The following GRM8 variants were observed in gnomAD, a reference collection of about 807,000 sequenced individuals.
GRM8 encodes glutamate metabotropic receptor 8.
In GRM8, 47 loss-of-function variants were observed where a neutral mutation model predicts 87.2. That is an observed-to-expected ratio of 0.54 (90% CI 0.43 to 0.69). GRM8 has a LOEUF of 0.69. GRM8 is among the 30% of genes least tolerant of loss of function. GRM8 has a pLI of 0.00. For synonymous variants in GRM8, 396 were observed against 404.5 expected, an observed-to-expected ratio of 0.98 and a Z score of 0.25; for missense variants, 1,019 against 1,139.2, an observed-to-expected ratio of 0.89 and a Z score of 1.52.
chr7:127,005,532 A>G (rs886330213), intron 3 of GRM8, among the ~76,000 whole-genome samples: 1 of 151,846 alleles, frequency 6.6e-6, no homozygotes, highest in Non-Finnish European at 1.5e-5. Context: ...AACCAGACAT[A>G]GTCTCCACAA....
intron 2 of GRM8, among the ~76,000 whole-genome samples, chr7:127,238,227 C>A (rs974112230): frequency 6.6e-6 from 1 of 151,942 alleles, no homozygotes; most frequent in South Asian, 2.1e-4. Context: ...TTATCTAAAG[C>A]CATTAGCATG....
At chr7:127,130,171 A>T (rs903146971) in intron 2 of GRM8, among the ~76,000 whole-genome samples, 2 of 152,206 alleles carry the variant, frequency 1.3e-5, no homozygotes, top group Non-Finnish European at 2.9e-5. Flanking sequence ...AGCCATGTGG[A>T]ACTGTGAGTC....
intron 2 of GRM8, among the ~76,000 whole-genome samples, chr7:127,177,081 C>G (rs1367835044): frequency 6.6e-6 from 1 of 152,118 alleles, no homozygotes; most frequent in East Asian, 1.9e-4. Flanking sequence ...TCTTTCGCAG[C>G]TGGGAGGTGG....
At chr7:126,801,526 A>T (rs1822686506) in intron 6 of GRM8, among the ~76,000 whole-genome samples, 1 of 120,816 alleles carries the variant, frequency 8.3e-6, no homozygotes. Flanking sequence ...TTATGTTTGC[A>T]GAGGGCACCA....
intron 8 of GRM8, among the ~76,000 whole-genome samples, chr7:126,587,142 A>C (rs1796219418): frequency 6.6e-6 from 1 of 152,218 alleles, no homozygotes; most frequent in African/African-American, 2.4e-5. Context: ...ATCTCACACC[A>C]GTTAGAAAGG....
intron 8 of GRM8, among the ~76,000 whole-genome samples, chr7:126,589,984 A>G (rs1325776623): frequency 6.6e-6 from 1 of 152,096 alleles, no homozygotes. Context: ...AGCACCCTCA[A>G]AATATCACAC....
chr7:126,753,838 T>C (rs1190966674), intron 7 of GRM8, among the ~76,000 whole-genome samples: 1 of 151,872 alleles, frequency 6.6e-6, no homozygotes, highest in African/African-American at 2.4e-5. Flanking sequence ...TATAGTGTAT[T>C]TTATTCTACC....
chr7:126,705,024 G>A (rs752473119), intron 7 of GRM8, among the ~76,000 whole-genome samples: 1 of 152,060 alleles, frequency 6.6e-6, no homozygotes, highest in African/African-American at 2.4e-5. Context: ...AGCTTGAGGG[G>A]CATCACGGAA....
chr7:126,818,927 G>A (rs1794029627), intron 6 of GRM8, among the ~76,000 whole-genome samples: 1 of 151,992 alleles, frequency 6.6e-6, no homozygotes, highest in Non-Finnish European at 1.5e-5. Context: ...AATCAATTAG[G>A]GATTCCTTCC....
At chr7:126,793,228 AAATT>A (rs1328157009) in intron 6 of GRM8, among the ~76,000 whole-genome samples, 4 of 152,182 alleles carry the variant, frequency 2.6e-5, no homozygotes, top group African/African-American at 4.8e-5. Flanking sequence ...TACTTTAAAA[AAATT>A]AAGTAATCAT....
intron 8 of GRM8, among the ~76,000 whole-genome samples, chr7:126,580,104 T>G (rs1795472596): frequency 6.6e-6 from 1 of 152,154 alleles, no homozygotes; most frequent in Admixed American, 6.6e-5. Flanking sequence ...CAAAGAGCAC[T>G]GTTAAATGAT....
chr7:126,881,676 A>G (rs1800037525), intron 6 of GRM8, among the ~76,000 whole-genome samples: 1 of 152,192 alleles, frequency 6.6e-6, no homozygotes, highest in Non-Finnish European at 1.5e-5. Context: ...CATTTGGAGT[A>G]AGAGAACAGC....
intron 9 of GRM8, among the ~76,000 whole-genome samples, chr7:126,491,433 A>G (rs536191969): frequency 2.5e-4 from 38 of 152,234 alleles, no homozygotes; most frequent in African/African-American, 8.7e-4. Context: ...TTACATTTTC[A>G]TAAAAACTTT....
At chr7:127,051,739 CAAAAAAAAAA>C (rs59713382) in intron 3 of GRM8, among the ~76,000 whole-genome samples, 2 of 58,464 alleles carry the variant, frequency 3.4e-5, no homozygotes, top group Admixed American at 2.3e-4. Flanking sequence ...TAATGTTGAG[CAAAAAAAAAA>C]AAAAAAAAAA....
chr7:126,746,729 T>C (rs903904822), intron 7 of GRM8, among the ~76,000 whole-genome samples: 1 of 151,638 alleles, frequency 6.6e-6, no homozygotes, highest in African/African-American at 2.4e-5. Flanking sequence ...CACTACCAAA[T>C]TTAAATTATT....
chr7:127,240,079 T>C (rs1337570714), intron 2 of GRM8, among the ~76,000 whole-genome samples: 1 of 152,090 alleles, frequency 6.6e-6, no homozygotes, highest in Non-Finnish European at 1.5e-5. Flanking sequence ...CTTTCATGTG[T>C]TGGTGGGTGT....
intron 6 of GRM8, among the ~76,000 whole-genome samples, chr7:126,806,834 C>T (rs945658551): frequency 6.6e-6 from 1 of 152,190 alleles, no homozygotes; most frequent in Admixed American, 6.5e-5. Context: ...CTACCCGGAA[C>T]CGCGCCGGTG....
intron 3 of GRM8, among the ~76,000 whole-genome samples, chr7:127,059,312 T>C (rs959955891): frequency 2.0e-5 from 3 of 150,886 alleles, no homozygotes; most frequent in African/African-American, 4.9e-5. Context: ...GATTGGTTCA[T>C]ATAAATTTTT....
chr7:127,161,295 T>C (rs1793100087), intron 2 of GRM8, among the ~76,000 whole-genome samples: 1 of 151,924 alleles, frequency 6.6e-6, no homozygotes, highest in Admixed American at 6.6e-5. Context: ...ACATCAAGAT[T>C]TAGAAAAAAC....
Sources: gnomAD v4.1 joint callset for allele counts (sites outside exome capture counted in the v4.1 genomes callset) on GRCh38, gnomAD v4.1.1 for gene constraint, MANE v1.5 for transcripts, NCBI Gene and HGNC (gene_info 2026-07-23, HGNC 2026-07-21) for gene names.